KLRC3: variants seen among roughly 807,000 people sequenced by gnomAD.
The protein encoded by KLRC3 is NKG2-E type II integral membrane protein.
Under a neutral mutation model 23.6 loss-of-function variants are expected in KLRC3, and 16 were observed. That is an observed-to-expected ratio of 0.68 (90% CI 0.46 to 1.03). KLRC3 has a LOEUF of 1.03. KLRC3 is among the 50% of genes least tolerant of loss of function. The probability of loss-of-function intolerance (pLI) is 0.00; values close to 1 mark genes in which losing one functional copy is unlikely to be tolerated. For synonymous variants in KLRC3, 70 were observed against 71.8 expected, an observed-to-expected ratio of 0.98 and a Z score of 0.13; for missense variants, 209 against 232.2, an observed-to-expected ratio of 0.90 and a Z score of 0.65.
chr12:10,413,558 T>C (rs908775141), intron 6 of KLRC3, among the ~76,000 whole-genome samples: 1 of 152,210 alleles, frequency 6.6e-6, no homozygotes, highest in Non-Finnish European at 1.5e-5. Context: ...CATAAACTTT[T>C]CTACAAAAAT....
intron 1 of KLRC3, 152 bp downstream of exon 1, chr12:10,420,212 A>T: frequency 1.0e-6 from 1 of 964,536 alleles, no homozygotes; most frequent in Non-Finnish European, 1.5e-6. Flanking sequence ...GCCTGAATAA[A>T]ATTAGTCTTC....
chr12:10,414,267 A>AT lies in KLRC3; in HGVS notation c.678+1436dup, dbSNP rs545272388. Among the ~76,000 whole-genome samples, 35 of 152,236 alleles carry AT rather than the reference A, an allele frequency of 2.3e-4. No individual in the cohort carries two copies. In the East Asian group the frequency reaches 6.6e-3, roughly 29 times the overall value. Reference sequence around the variant, plus strand: ...TTATAAAATGTTGTATAAAGAAAACATATATCATTCTAAGTAATAAAAAAT... The same window carrying AT: ...TTATAAAATGTTGTATAAAGAAAACATTATATCATTCTAAGTAATAAAAAAT... On this transcript the variant is annotated intron_variant, in intron 6 of 6. Transcript: ENST00000396439.
intron 6 of KLRC3, among the ~76,000 whole-genome samples, chr12:10,413,604 T>A (rs1289462697): frequency 6.6e-6 from 1 of 152,194 alleles, no homozygotes; most frequent in Non-Finnish European, 1.5e-5. Flanking sequence ...TAGTGAATGA[T>A]AACATTTAAA....
intron 6 of KLRC3, among the ~76,000 whole-genome samples, 193 bp from the exon 7 acceptor site, chr12:10,412,809 A>G (rs112194823): frequency 3.0e-4 from 46 of 152,330 alleles, no homozygotes; most frequent in African/African-American, 1.0e-3. Context: ...TTAGTAATAT[A>G]TTTTTTATCA....
At chr12:10,420,336 A>G in intron 1 of KLRC3, 28 bp downstream of exon 1, 1 of 1,602,516 alleles carries the variant, frequency 6.2e-7, no homozygotes, top group Non-Finnish European at 8.5e-7. Flanking sequence ...CCAGAACAAT[A>G]ACATTGAAGA....
intron 4 of KLRC3, among the ~76,000 whole-genome samples, chr12:10,417,259 G>A (rs1335689600): frequency 6.6e-6 from 1 of 151,858 alleles, no homozygotes; most frequent in Non-Finnish European, 1.5e-5. Context: ...GCCAGGTGGT[G>A]TAGACTCGTC....
At chr12:10,419,309 G>T (rs1863689467) in intron 2 of KLRC3, among the ~76,000 whole-genome samples, 1 of 6,434 alleles carries the variant, frequency 1.6e-4, no homozygotes, top group Non-Finnish European at 7.4e-4. Context: ...AGTATTTGAT[G>T]TAACCACTTT....
Position 10,420,520 on chromosome 12 carries a change from C to T in KLRC3, c.31G>A (p.Val11Met), listed in dbSNP as rs766233373. Residue 11 changes from valine (V) to methionine (M), a missense_variant, in exon 1 of 7, where the codon GTG (valine) becomes ATG (methionine). Val to Met is a conservative substitution (Grantham distance 21). Around this residue, in one of 4 missense-constraint regions of KLRC3, gnomAD observed 9 missense variants for 28.5 expected, o/e 0.32. Transcript: ENST00000396439. MSKQRGTFSE[V>M]SLAQDPKWQQ... is the part of the protein sequence containing the mutation. ...CACTTTGGGTCCTGGGCCAGACTCA[C>T]TTCTGAGAAGGTTCCTCTTTGTTTA... 3 of 1,606,520 alleles carry T rather than the reference C, an allele frequency of 1.9e-6. No individual in the cohort carries two copies. The highest frequency in any genetic ancestry group is 1.4e-5 in the African/African-American group (1 of 72,996).
intron 6 of KLRC3, among the ~76,000 whole-genome samples, chr12:10,413,905 T>C (rs1863606408): frequency 6.6e-6 from 1 of 152,078 alleles, no homozygotes; most frequent in Non-Finnish European, 1.5e-5. Context: ...TGTGATAGTT[T>C]GCTGAGAATG....
At chr12:10,418,752 A>G (rs1038413486) in intron 3 of KLRC3, among the ~76,000 whole-genome samples, 1 of 152,106 alleles carries the variant, frequency 6.6e-6, no homozygotes, top group Non-Finnish European at 1.5e-5. Context: ...CATGTCTTGA[A>G]CCTCACTGAT....
At chr12:10,415,400 T>C (rs1025964650) in intron 6 of KLRC3, among the ~76,000 whole-genome samples, 1 of 152,194 alleles carries the variant, frequency 6.6e-6, no homozygotes, top group Non-Finnish European at 1.5e-5. Context: ...GTCTCCATGG[T>C]TTTGCTTGTT....
intron 2 of KLRC3, chr12:10,419,477 A>G (rs1263716285): frequency 1.4e-5 from 8 of 558,824 alleles, no homozygotes; most frequent in Non-Finnish European, 3.0e-6. Flanking sequence ...TATGTTGTGA[A>G]AAATTCAGAA....
At chr12:10,416,063 A>G (rs957054524) in intron 5 of KLRC3, among the ~76,000 whole-genome samples, 17 of 152,230 alleles carry the variant, frequency 1.1e-4, no homozygotes, top group African/African-American at 3.6e-4. Flanking sequence ...CATAACTGTG[A>G]TAAAGTTTAA....
At chr12:10,415,881 T>C (rs1198327166) in intron 5 of KLRC3, 87 bp from the exon 6 acceptor site, 1 of 956,758 alleles carries the variant, frequency 1.0e-6, no homozygotes, top group Non-Finnish European at 1.6e-6. Context: ...TGTAAGAAAA[T>C]AATTTTATGA....
rs761100321 is a variant in KLRC3, at chr12:10,415,636, GAACA to G, written c.678+64_678+67del. On this transcript the variant is annotated intron_variant, in intron 6 of 6. Coordinates refer to ENST00000396439, the MANE Select transcript of KLRC3 (RefSeq NM_002261.3). ...TGCAATCATAATATCATTTCTGTTTGAACAAATATAAAATTTTATCTGATGCACT... is the reference window on the plus strand; with the variant it reads ...TGCAATCATAATATCATTTCTGTTTGAATATAAAATTTTATCTGATGCACT... 2.5e-6 allele frequency: 4 copies of G among 1,603,226 alleles called. No individual in the cohort carries two copies. The South Asian group carries it at 4.5e-5, about 18-fold the overall frequency.
Position 10,412,586 on chromosome 12 carries a change from C to A in KLRC3, c.709G>T (p.Val237Phe), listed in dbSNP as rs1863590545. 1 of 701,352 alleles carries A rather than the reference C, an allele frequency of 1.4e-6. No individual in the cohort carries two copies. Among genetic ancestry groups the A allele is most frequent in the South Asian group, 1.5e-5 (1 of 67,466 alleles). The allele number at this position is 701,352 out of a possible 1,614,324, so 43.4% of individuals were successfully genotyped here. The change falls in exon 7 of 7, where the codon GTC becomes TTC. Residue 237 changes from valine to phenylalanine, a missense_variant. Physicochemically the swap from Val to Phe is conservative, Grantham distance 50. Around this residue, in one of 4 missense-constraint regions of KLRC3, gnomAD observed 74 missense variants for 51.0 expected, o/e 1.45. Coordinates refer to ENST00000396439, the MANE Select transcript of KLRC3 (RefSeq NM_002261.3). The part of the protein sequence containing the change: ...RRGFIMLTRL[V>F]LNS Reference sequence around the variant, plus strand: ...ATTTCTTGAGCTCAGGAGTTCAAGACCAGCCTGGTCAACATGATGAAACCC... The same window carrying A: ...ATTTCTTGAGCTCAGGAGTTCAAGAACAGCCTGGTCAACATGATGAAACCC...
Position 10,412,348 on chromosome 12 carries a change from G to C in KLRC3, c.*224C>G. ...ATTGATTTATTTTCCAATCATAACG[G>C]TCTGCATTTTAATATTAATATTTGT... On this transcript the variant is annotated 3_prime_UTR_variant, in exon 7 of 7. Transcript: ENST00000396439. 1.8e-6 allele frequency: 1 copy of C among 562,918 alleles called. No homozygotes were observed. The allele number at this position is 562,918 out of a possible 1,614,324, so 34.9% of individuals were successfully genotyped here.
At chr12:10,418,857 G>T (rs1863682417) in intron 3 of KLRC3, among the ~76,000 whole-genome samples, 187 bp downstream of exon 3, 1 of 151,882 alleles carries the variant, frequency 6.6e-6, no homozygotes, top group South Asian at 2.1e-4. Flanking sequence ...AGGGTAGAAT[G>T]ATTTTAAGTG....
In KLRC3 at chr12:10,415,742, C is replaced by T; in HGVS notation, c.640G>A (p.Gly214Arg). 1 of 1,613,386 alleles carries T rather than the reference C, an allele frequency of 6.2e-7. No individual in the cohort carries two copies. Among genetic ancestry groups the T allele is most frequent in the Non-Finnish European group, 8.5e-7 (1 of 1,179,694 alleles). The change falls in exon 6 of 7, where the codon GGA becomes AGA. Residue 214 changes from glycine to arginine, a missense_variant. Physicochemically the swap from Gly to Arg is moderately radical, Grantham distance 125. Coordinates refer to ENST00000396439, the MANE Select transcript of KLRC3 (RefSeq NM_002261.3). ...GATCCACACTGGTCTGATATAAGTCCACGTACATGTAGCATTGCACAGTTA... is the reference window on the plus strand; with the variant it reads ...GATCCACACTGGTCTGATATAAGTCTACGTACATGTAGCATTGCACAGTTA... ...ERNCAMLHVRGLISDQCGSSR... is the reference protein window; with the variant it reads ...ERNCAMLHVRRLISDQCGSSR...
Sources: allele counts gnomAD v4.1 joint callset (sites outside exome capture counted in the v4.1 genomes callset), GRCh38; gene constraint gnomAD v4.1.1; regional missense constraint gnomAD v4.1.1; transcripts MANE v1.5; gene names NCBI Gene and HGNC (gene_info 2026-07-23, HGNC 2026-07-21).